The following TPRG1 variants were observed in gnomAD, a reference collection of about 807,000 sequenced individuals.
The protein encoded by TPRG1 is tumor protein p63 regulated 1.
Under a neutral mutation model 29.3 loss-of-function variants are expected in TPRG1, and 29 were observed. The observed-to-expected ratio is 0.99, with a 90% confidence interval of 0.74 to 1.35. The LOEUF (loss-of-function observed/expected upper bound fraction) is 1.35, where lower values mean the gene tolerates loss of function less well. Among genes scored for constraint, TPRG1 ranks in the 40% most tolerant of loss-of-function variants. The probability of loss-of-function intolerance (pLI) is 0.00; values close to 1 mark genes in which losing one functional copy is unlikely to be tolerated. For missense variants in TPRG1, 327 were observed against 335.0 expected, an observed-to-expected ratio of 0.98 and a Z score of 0.19; for synonymous variants, 130 against 116.8, an observed-to-expected ratio of 1.11 and a Z score of -0.73.
At chr3:189,048,547 C>T (rs1715109710) in intron 4 of TPRG1, among the ~76,000 whole-genome samples, 2 of 152,144 alleles carry the variant, frequency 1.3e-5, no homozygotes, top group South Asian at 2.1e-4. Flanking sequence ...ATTTCTTGTT[C>T]CTCTTAGAAA....
intron 4 of TPRG1, among the ~76,000 whole-genome samples, chr3:189,036,978 C>T (rs554219542): frequency 6.6e-6 from 1 of 151,154 alleles, no homozygotes; most frequent in Non-Finnish European, 1.5e-5. Context: ...CATTCTTACT[C>T]CTACTCCTGC....
rs74987612 is a variant in TPRG1 at position 189,217,938 on chromosome 3, C to T, written c.302+2555C>T. 7.8e-4 allele frequency: 772 copies of T among 985,364 alleles called. 3 individuals are homozygous for T. The African/African-American group carries it at 0.012, about 16-fold the overall frequency. The allele number at this position is 985,364 out of a possible 1,614,324, so 61.0% of individuals were successfully genotyped here. ...GAGAACACAAAAACAAAAATCCCAA[C>T]TCCCCCAACAGCAACCACAAAACAA... On this transcript the variant is annotated intron_variant, in intron 3 of 5. Coordinates refer to ENST00000345063, the MANE Select transcript of TPRG1 (RefSeq NM_198485.4).
In TPRG1 at chr3:189,324,244, G is replaced by C. The variant is rs1246241904; in HGVS notation, c.*3424G>C. 1 of 152,066 alleles carries C rather than the reference G, an allele frequency of 6.6e-6. No individual in the cohort carries two copies. Among genetic ancestry groups the C allele is most frequent in the Non-Finnish European group, 1.5e-5 (1 of 68,004 alleles). 9.4% of individuals were successfully genotyped at this position (152,066 alleles called of 1,614,324 possible). A position where few individuals can be genotyped will look rare whatever the true frequency, so the allele number is the denominator to read the frequency against. On this transcript the variant is annotated 3_prime_UTR_variant, in exon 6 of 6. Transcript: ENST00000345063. The stretch of plus-strand genomic sequence containing the variant: ...AAGGCAGAAAAACCATGTCAATTCA[G>C]TGCTTTTATTTCACAGAAAATGAAG...
chr3:189,207,453 C>T lies in TPRG1; in HGVS notation c.69C>T (p.Pro23=). The T allele has an allele frequency of 6.2e-7, 1 of 1,613,990 alleles. No individual in the cohort carries two copies. The highest frequency in any genetic ancestry group is 8.5e-7 in the Non-Finnish European group (1 of 1,179,972). ...VSLKQEGDDQ[P]SETDHLSMEE... is the part of the protein sequence containing the mutation. Reference sequence around the variant, plus strand: ...TGAAGCAAGAGGGAGATGACCAACCCTCTGAGACTGACCACCTATCGATGG... The same window carrying T: ...TGAAGCAAGAGGGAGATGACCAACCTTCTGAGACTGACCACCTATCGATGG... Residue 23 remains proline, a synonymous_variant, in exon 2 of 6, where the codon CCC becomes CCT. Coordinates refer to ENST00000345063, the MANE Select transcript of TPRG1 (RefSeq NM_198485.4).
At chr3:189,274,980 A>G (rs1372983108) in intron 4 of TPRG1, among the ~76,000 whole-genome samples, 17 of 116,012 alleles carry the variant, frequency 1.5e-4, no homozygotes, top group African/African-American at 2.1e-4. Flanking sequence ...GTGTGTGTGT[A>G]TGAAGTCATT....
At chr3:189,030,063 C>T (rs1713854243) in intron 4 of TPRG1, among the ~76,000 whole-genome samples, 1 of 152,140 alleles carries the variant, frequency 6.6e-6, no homozygotes, top group African/African-American at 2.4e-5. Context: ...GGAGGAGAAA[C>T]CAGAGGTGTT....
At chr3:189,261,350 A>G (rs145597134) in intron 4 of TPRG1, among the ~76,000 whole-genome samples, 3 of 152,054 alleles carry the variant, frequency 2.0e-5, no homozygotes, top group Non-Finnish European at 2.9e-5. Context: ...GATTAAAGGT[A>G]CTGATGTGTT....
At chr3:189,254,536 A>AT (rs1711510238) in intron 4 of TPRG1, among the ~76,000 whole-genome samples, 1 of 151,874 alleles carries the variant, frequency 6.6e-6, no homozygotes, top group Non-Finnish European at 1.5e-5. Context: ...AACTTAATGT[A>AT]TTTTTTCCTA....
intron 4 of TPRG1, among the ~76,000 whole-genome samples, chr3:189,087,001 T>C (rs2152175431): frequency 6.6e-6 from 1 of 152,364 alleles, no homozygotes; most frequent in South Asian, 2.1e-4. Context: ...GCATGATTTA[T>C]AATCCTTTGG....
intron 3 of TPRG1, among the ~76,000 whole-genome samples, chr3:189,223,490 C>T (rs1368277443): frequency 6.6e-6 from 1 of 152,182 alleles, no homozygotes; most frequent in East Asian, 1.9e-4. Context: ...TTCACCATGG[C>T]AGCAACCTTA....
intron 4 of TPRG1, among the ~76,000 whole-genome samples, chr3:189,078,079 TTCTC>T (rs1171351652): frequency 6.1e-5 from 7 of 115,412 alleles, no homozygotes; most frequent in African/African-American, 1.8e-4. Context: ...CTTTCTCTCT[TTCTC>T]TCTTTCTCTC....
At position 189,087,265 on chromosome 3, in the gene TPRG1, G is replaced by A. The variant is rs1184870590; in HGVS notation, c.-462-39792G>A. On this transcript the variant is annotated intron_variant, in intron 4 of 10. Coordinates refer to the TPRG1 transcript ENST00000433971. ...CATTTCTCTGATGGCCAGTGATGAT[G>A]AGCATTTTTTCCTGTGTCTGTTGGC... Among the ~76,000 whole-genome samples, 12 of 152,206 alleles carry A rather than the reference G, an allele frequency of 7.9e-5. No homozygotes were observed. The East Asian group carries it at 2.1e-3, about 27-fold the overall frequency.
At chr3:189,233,596 G>C (rs1739013700) in intron 3 of TPRG1, among the ~76,000 whole-genome samples, 1 of 152,164 alleles carries the variant, frequency 6.6e-6, no homozygotes, top group South Asian at 2.1e-4. Context: ...CCTTCGCCAG[G>C]GAAGACGGGC....
At chr3:189,296,192 ATCT>A (rs1206856273) in intron 4 of TPRG1, among the ~76,000 whole-genome samples, 1 of 152,196 alleles carries the variant, frequency 6.6e-6, no homozygotes, top group Admixed American at 6.5e-5. Context: ...TCTGATCAAA[ATCT>A]TCTTTGTGAA....
intron 1 of TPRG1, among the ~76,000 whole-genome samples, chr3:189,103,593 A>G (rs58514905): frequency 0.071 from 10,741 of 152,210 alleles, 1,239 homozygotes; most frequent in African/African-American, 0.24. Context: ...TTTGGCTTAC[A>G]TGCCTAACAT....
At chr3:189,164,060 T>G (rs1428114934) in intron 5 of TPRG1, among the ~76,000 whole-genome samples, 1 of 152,166 alleles carries the variant, frequency 6.6e-6, no homozygotes, top group African/African-American at 2.4e-5. Flanking sequence ...AGTTGGGAAC[T>G]TTGCTACTTA....
At chr3:189,053,691 C>G (rs1409303935) in intron 4 of TPRG1, among the ~76,000 whole-genome samples, 1 of 152,156 alleles carries the variant, frequency 6.6e-6, no homozygotes, top group African/African-American at 2.4e-5. Flanking sequence ...GGCTGCAGTA[C>G]CCAGTTAAAG....
At chr3:189,205,244 G>T (rs1734145315) in intron 1 of TPRG1, among the ~76,000 whole-genome samples, 1 of 152,212 alleles carries the variant, frequency 6.6e-6, no homozygotes, top group Admixed American at 6.5e-5. Flanking sequence ...TTGCTGGAAA[G>T]ATCGGATAAG....
intron 3 of TPRG1, among the ~76,000 whole-genome samples, chr3:189,006,183 T>G (rs1057011280): frequency 6.6e-6 from 1 of 152,100 alleles, no homozygotes. Context: ...CTAAGCACAC[T>G]TTCTTGCAGT....
Sources: allele counts gnomAD v4.1 joint callset (sites outside exome capture counted in the v4.1 genomes callset), GRCh38; gene constraint gnomAD v4.1.1; transcripts MANE v1.5; gene names NCBI Gene and HGNC (gene_info 2026-07-23, HGNC 2026-07-21).